The following BBS9 variants were observed in gnomAD, a reference collection of about 807,000 sequenced individuals.
BBS9 encodes Bardet-Biedl syndrome 9.
BBS9 carries 89 observed loss-of-function variants against 117.7 expected under a neutral mutation model. The observed-to-expected ratio is 0.76, with a 90% CI of 0.64 to 0.90. BBS9 has a LOEUF of 0.90. Among genes scored for constraint, BBS9 ranks in the 40% least tolerant of loss-of-function variants. The probability of loss-of-function intolerance (pLI) is 0.00; values close to 1 mark genes in which losing one functional copy is unlikely to be tolerated. For synonymous variants in BBS9, 379 were observed against 370.9 expected (o/e 1.02, Z -0.25); for missense variants, 982 against 1,042.2 (o/e 0.94, Z 0.80).
intron 19 of BBS9, among the ~76,000 whole-genome samples, chr7:33,496,292 T>C (rs1405502981): frequency 6.6e-6 from 1 of 151,992 alleles, no homozygotes; most frequent in Non-Finnish European, 1.5e-5. Context: ...GATCATGAGG[T>C]CAGGAGTTCG....
intron 21 of BBS9, among the ~76,000 whole-genome samples, chr7:33,571,200 T>A (rs1332009986): frequency 3.9e-5 from 6 of 152,162 alleles, no homozygotes; most frequent in African/African-American, 1.4e-4. Context: ...AAAGAGGAAC[T>A]ACAAATATGC....
chr7:33,275,886 T>A (rs1584035160), intron 9 of BBS9, among the ~76,000 whole-genome samples: 1 of 152,154 alleles, frequency 6.6e-6, no homozygotes, highest in Non-Finnish European at 1.5e-5. Flanking sequence ...TGAAATATTA[T>A]GAGTAAAACA....
At chr7:33,445,141 G>T (rs910182063) in intron 19 of BBS9, among the ~76,000 whole-genome samples, 5 of 152,174 alleles carry the variant, frequency 3.3e-5, no homozygotes, top group African/African-American at 9.7e-5. Flanking sequence ...GATGGAACCG[G>T]TCTCTCTTGG....
intron 19 of BBS9, among the ~76,000 whole-genome samples, chr7:33,390,841 C>T (rs550319217): frequency 6.6e-6 from 1 of 152,172 alleles, no homozygotes; most frequent in Non-Finnish European, 1.5e-5. Context: ...ATTGTTTCAC[C>T]AGGCTAAAGA....
chr7:33,440,107 G>A (rs1176944032), intron 19 of BBS9, among the ~76,000 whole-genome samples: 1 of 152,122 alleles, frequency 6.6e-6, no homozygotes, highest in Non-Finnish European at 1.5e-5. Context: ...TCATGGAAAA[G>A]ACACTTATGA....
Position 33,470,272 on chromosome 7 carries a change from C to G in BBS9, c.2116-35191C>G, listed in dbSNP as rs189061223. 2.6e-4 allele frequency among the ~76,000 whole-genome samples: 33 copies of G among 125,030 alleles called. No individual in the cohort carries two copies. The Admixed American group carries it at 2.9e-3, about 11-fold the overall frequency. The allele number at this position is 125,030 out of a possible 152,430, so 82.0% of individuals were successfully genotyped here. A position where few individuals can be genotyped will look rare whatever the true frequency, so the allele number is the denominator to read the frequency against. ...TATTAGTTTCCTAGATTTTTGTAAA[C>G]ATTGAACACCAGCATTCTTTTTTTT... On this transcript the variant is annotated intron_variant, in intron 19 of 22. Coordinates refer to ENST00000242067, the MANE Select transcript of BBS9 (RefSeq NM_198428.3).
At chr7:33,617,124 T>G (rs1865180376) in intron 21 of BBS9, among the ~76,000 whole-genome samples, 3 of 152,124 alleles carry the variant, frequency 2.0e-5, no homozygotes, top group African/African-American at 7.2e-5. Flanking sequence ...CATCCATTGA[T>G]GGACAACTGT....
chr7:33,422,753 C>A (rs767983367), intron 19 of BBS9, among the ~76,000 whole-genome samples: 1 of 152,006 alleles, frequency 6.6e-6, no homozygotes, highest in East Asian at 1.9e-4. Flanking sequence ...TTAATAAATG[C>A]GAATGTTCAG....
chr7:33,481,459 T>G (rs1842502007), intron 19 of BBS9, among the ~76,000 whole-genome samples: 1 of 152,080 alleles, frequency 6.6e-6, no homozygotes, highest in Non-Finnish European at 1.5e-5. Flanking sequence ...CTAAAGAAAA[T>G]GATATTTCAG....
At chr7:33,260,169 A>G (rs1797744704) in intron 6 of BBS9, among the ~76,000 whole-genome samples, 1 of 151,820 alleles carries the variant, frequency 6.6e-6, no homozygotes, top group Admixed American at 6.6e-5. Context: ...CCAGCTAATT[A>G]CTTTTGTATT....
At chr7:33,395,399 A>T (rs569879052) in intron 19 of BBS9, among the ~76,000 whole-genome samples, 3 of 152,282 alleles carry the variant, frequency 2.0e-5, no homozygotes, top group African/African-American at 7.2e-5. Context: ...TGGTTGAGTA[A>T]ATTGAAATGG....
At chr7:33,262,115 T>G (rs1189285106) in intron 6 of BBS9, among the ~76,000 whole-genome samples, 3 of 152,212 alleles carry the variant, frequency 2.0e-5, no homozygotes, top group Non-Finnish European at 4.4e-5. Context: ...TCATCTAATT[T>G]TACTGTCAAG....
At chr7:33,349,939 AG>A (rs931169619) in intron 13 of BBS9, among the ~76,000 whole-genome samples, 1 of 152,192 alleles carries the variant, frequency 6.6e-6, no homozygotes, top group Admixed American at 6.5e-5. Context: ...ATCTGCAAAA[AG>A]GGGGTAATGA....
intron 15 of BBS9, chr7:33,357,614 T>A: frequency 1.8e-6 from 1 of 558,792 alleles, no homozygotes; most frequent in Non-Finnish European, 3.2e-6. Flanking sequence ...TATGATACTA[T>A]TAAAGACAGA....
intron 19 of BBS9, among the ~76,000 whole-genome samples, chr7:33,445,965 C>T (rs1330920701): frequency 1.3e-5 from 2 of 152,112 alleles, no homozygotes; most frequent in Non-Finnish European, 2.9e-5. Context: ...ATAAATTACC[C>T]TGTCTCAAGT....
intron 5 of BBS9, chr7:33,243,060 T>C (rs927444175): frequency 8.0e-6 from 4 of 500,666 alleles, no homozygotes; most frequent in African/African-American, 5.8e-5. Flanking sequence ...TAATAATGTA[T>C]GGACCACGTT....
chr7:33,538,528 A>C (rs1219260640), intron 21 of BBS9, among the ~76,000 whole-genome samples: 1 of 151,522 alleles, frequency 6.6e-6, no homozygotes, highest in Non-Finnish European at 1.5e-5. Flanking sequence ...TATTATTTTG[A>C]AGCTACTTCC....
At chr7:33,477,105 G>A (rs1367266523) in intron 19 of BBS9, among the ~76,000 whole-genome samples, 1 of 152,168 alleles carries the variant, frequency 6.6e-6, no homozygotes, top group Non-Finnish European at 1.5e-5. Context: ...TTGTACCTCA[G>A]ATTTCTCATC....
chr7:33,397,863 G>A (rs914589157), intron 19 of BBS9, among the ~76,000 whole-genome samples: 3 of 152,062 alleles, frequency 2.0e-5, no homozygotes, highest in African/African-American at 7.2e-5. Context: ...AATAGCTAAT[G>A]GGTGCTGGGA....
Sources: allele counts gnomAD v4.1 joint callset (sites outside exome capture counted in the v4.1 genomes callset), GRCh38; gene constraint gnomAD v4.1.1; transcripts MANE v1.5; gene names NCBI Gene and HGNC (gene_info 2026-07-23, HGNC 2026-07-21).